ATP7A: variants seen among roughly 807,000 people sequenced by gnomAD.
ATP7A encodes the protein ATPase copper transporting alpha, also known as copper-transporting ATPase 1.
Under a neutral mutation model 83.5 loss-of-function variants are expected in ATP7A, and 7 were observed. The ratio of observed to expected loss-of-function variants is 0.08; its 90% CI spans 0.05 to 0.16. The LOEUF is 0.16. Ranked by LOEUF, ATP7A falls within the 10% of genes least tolerant of loss-of-function variation. The pLI, the probability that ATP7A is intolerant of heterozygous loss-of-function variation, is 1.00. For missense variants in ATP7A, 940 were observed against 1,120.8 expected, an observed-to-expected ratio of 0.84 and a Z score of 2.30; for synonymous variants, 354 against 395.2, an observed-to-expected ratio of 0.90 and a Z score of 1.24.
At chrX:78,033,980 A>G (rs2077997910) in intron 17 of ATP7A, among the ~76,000 whole-genome samples, 159 bp downstream of exon 17, 1 of 111,991 alleles carries the variant, frequency 8.9e-6, no homozygotes, top group Non-Finnish European at 1.9e-5. Context: ...ATTAGTCAAG[A>G]ATATTTCCCA....
intron 18 of ATP7A, among the ~76,000 whole-genome samples, chrX:78,040,307 C>A (rs912237182): frequency 9.3e-6 from 1 of 107,959 alleles, no homozygotes; most frequent in Non-Finnish European, 1.9e-5. Flanking sequence ...TTCTGAGGAA[C>A]AAAAAGGGTC....
chrX:78,032,745 C>T (rs782602780), intron 16 of ATP7A, among the ~76,000 whole-genome samples: 1 of 111,855 alleles, frequency 8.9e-6, no homozygotes, highest in East Asian at 2.8e-4. Context: ...CAGTTTCTAC[C>T]ATTGGTGTTG....
chrX:77,980,271 A>G (rs2077597450), intron 2 of ATP7A, among the ~76,000 whole-genome samples: 1 of 110,638 alleles, frequency 9.0e-6, no homozygotes. Flanking sequence ...AACATGGTGA[A>G]ACCCTGTCTG....
intron 1 of ATP7A, among the ~76,000 whole-genome samples, chrX:77,919,964 A>G: frequency 9.0e-6 from 1 of 111,565 alleles, no homozygotes; most frequent in East Asian, 2.8e-4. Context: ...ACCTCATTCT[A>G]CTTTCTGTCT....
chrX:77,966,927 G>C, intron 1 of ATP7A: 1 of 291,338 alleles, frequency 3.4e-6, no homozygotes, highest in South Asian at 3.1e-5. Flanking sequence ...AGCAGGCTCC[G>C]GTGTGTGATG....
rs143063698 is a variant in ATP7A at position 78,029,710 on chromosome X, G to A, written c.3111+266G>A. Among the ~76,000 whole-genome samples, 421 of 111,939 alleles carry A rather than the reference G, an allele frequency of 3.8e-3. 3 individuals carry two copies. Among genetic ancestry groups the A allele is most frequent in the African/African-American group, 0.013 (403 of 30,868 alleles). The stretch of plus-strand genomic sequence containing the variant: ...AAACCTGGACTCCTATCCTAGCTCA[G>A]ACTAGACTAGTCTTTGTGGCAGAAA... On this transcript the variant is annotated intron_variant, in intron 15 of 22. Transcript: ENST00000341514.
intron 2 of ATP7A, among the ~76,000 whole-genome samples, chrX:77,985,696 G>T (rs1381636394): frequency 9.1e-6 from 1 of 110,480 alleles, no homozygotes; most frequent in Non-Finnish European, 1.9e-5. Flanking sequence ...CTTTTTTTGG[G>T]TATATAGTTC....
intron 1 of ATP7A, among the ~76,000 whole-genome samples, chrX:77,931,742 CG>C (rs1435644242): frequency 1.9e-5 from 2 of 104,820 alleles, no homozygotes; most frequent in African/African-American, 7.0e-5. Context: ...CCTCACCTCC[CG>C]GACGGGGCGG....
chrX:78,033,892 A>G (rs1455534163), intron 17 of ATP7A, 71 bp downstream of exon 17: 1 of 1,024,557 alleles, frequency 9.8e-7, no homozygotes, highest in African/African-American at 1.9e-5. Flanking sequence ...ATAACCCTGA[A>G]CTGTTATAGA....
At chrX:77,913,504 A>G (rs1557222164) in intron 1 of ATP7A, among the ~76,000 whole-genome samples, 2 of 111,760 alleles carry the variant, frequency 1.8e-5, no homozygotes, top group African/African-American at 3.3e-5. Flanking sequence ...TTCCCTCTTA[A>G]ATCTCAGTCT....
intron 10 of ATP7A, among the ~76,000 whole-genome samples, chrX:78,013,873 TC>T (rs1406011251): frequency 2.0e-5 from 2 of 100,933 alleles, no homozygotes; most frequent in Non-Finnish European, 4.0e-5. Flanking sequence ...CAGCATTGCA[TC>T]CCCCCCACAA....
At chrX:78,015,941 G>C in intron 12 of ATP7A, 60 bp downstream of exon 12, 13 of 1,139,104 alleles carry the variant, frequency 1.1e-5, no homozygotes, top group South Asian at 3.7e-5. Context: ...GAAAGATGAA[G>C]CACTTTTTGT....
intron 21 of ATP7A, 152 bp from the exon 22 acceptor site, chrX:78,045,318 G>C: frequency 1.9e-6 from 1 of 520,528 alleles, no homozygotes; most frequent in Non-Finnish European, 3.3e-6. Flanking sequence ...CACTCTGTTA[G>C]TGAAAAAAAT....
intron 18 of ATP7A, among the ~76,000 whole-genome samples, chrX:78,039,895 C>T (rs2078036691): frequency 9.0e-6 from 1 of 111,257 alleles, no homozygotes; most frequent in African/African-American, 3.3e-5. Flanking sequence ...ATAATCATTC[C>T]CCTCTTGTTG....
intron 19 of ATP7A, among the ~76,000 whole-genome samples, chrX:78,040,990 T>C (rs2078043833): frequency 9.0e-6 from 1 of 111,394 alleles, no homozygotes; most frequent in Non-Finnish European, 1.9e-5. Flanking sequence ...GATGTGCCCT[T>C]TGAAATGTTG....
chrX:77,911,182 A>G (rs1557221867), intron 1 of ATP7A, among the ~76,000 whole-genome samples: 1 of 112,343 alleles, frequency 8.9e-6, no homozygotes, highest in Admixed American at 9.4e-5. Context: ...ACACCTCTTT[A>G]TACTTTGGAA....
chrX:77,916,132 A>G (rs782110981), intron 1 of ATP7A, among the ~76,000 whole-genome samples: 19 of 110,395 alleles, frequency 1.7e-4, no homozygotes, highest in African/African-American at 5.9e-4. Flanking sequence ...AGGTGGGTAG[A>G]TTGCTTGAAT....
At chrX:77,935,189 A>G (rs192610549) in intron 1 of ATP7A, among the ~76,000 whole-genome samples, 90 of 111,610 alleles carry the variant, frequency 8.1e-4, no homozygotes, top group African/African-American at 2.8e-3. Context: ...TTTGATTTAT[A>G]ATGCTACTCC....
rs782664014 is a variant in ATP7A, at chrX:78,012,931, A to G, written c.2225A>G (p.Lys742Arg). 26 of 1,210,203 alleles carry G rather than the reference A, an allele frequency of 2.1e-5. 1 individual carries two copies. Among genetic ancestry groups the G allele is most frequent in the Non-Finnish European group, 2.2e-5 (20 of 895,372 alleles). The change falls in exon 10 of 23, where the codon AAG becomes AGG. Residue 742 changes from lysine to arginine, a missense_variant. Transcript: ENST00000341514. ...YIQAYKALKHKTANMDVLIVL... is the reference protein window; with the variant it reads ...YIQAYKALKHRTANMDVLIVL... ...CAGGCTTATAAAGCACTGAAGCATA[A>G]GACAGCAAATATGGACGTACTGATT...
Sources: allele counts gnomAD v4.1 joint callset (sites outside exome capture counted in the v4.1 genomes callset), GRCh38; gene constraint gnomAD v4.1.1; transcripts MANE v1.5; gene names NCBI Gene and HGNC (gene_info 2026-07-23, HGNC 2026-07-21).